Variants in RBMS1 observed in about 807,000 individuals in gnomAD.
RBMS1 encodes RNA-binding motif, single-stranded-interacting protein 1.
A neutral mutation model predicts 62.3 loss-of-function variants in RBMS1; 17 were observed. That is an observed-to-expected ratio of 0.27 (90% CI 0.19 to 0.41). The LOEUF (loss-of-function observed/expected upper bound fraction) is 0.41, where lower values mean the gene tolerates loss of function less well. RBMS1 is among the 10% of genes least tolerant of loss of function. RBMS1 has a pLI of 1.00. For missense variants in RBMS1, 334 were observed against 504.5 expected (o/e 0.66, Z 3.24); for synonymous variants, 172 against 170.0 (o/e 1.01, Z -0.09).
chr2:160,416,824 C>T (rs762441659), intron 1 of RBMS1, among the ~76,000 whole-genome samples: 5 of 152,272 alleles, frequency 3.3e-5, no homozygotes, highest in Admixed American at 1.3e-4. Flanking sequence ...TAAATTCATT[C>T]CATCTATTCA....
intron 1 of RBMS1, among the ~76,000 whole-genome samples, chr2:160,435,911 G>A (rs1253408857): frequency 6.6e-6 from 1 of 152,200 alleles, no homozygotes; most frequent in African/African-American, 2.4e-5. Context: ...TGGATAATTT[G>A]ACTGGGGTAT....
At chr2:160,275,138 G>C (rs1198314130) in intron 13 of RBMS1, among the ~76,000 whole-genome samples, 6 of 152,058 alleles carry the variant, frequency 3.9e-5, no homozygotes. Flanking sequence ...CAGTCTGCAT[G>C]GTAAAGTGAA....
intron 10 of RBMS1, chr2:160,279,508 TCTTAA>T (rs1688000438): frequency 6.6e-6 from 1 of 152,226 alleles, no homozygotes; most frequent in South Asian, 2.1e-4. Context: ...GGGATTTTGC[TCTTAA>T]CTTTGCATTC....
intron 1 of RBMS1, among the ~76,000 whole-genome samples, chr2:160,487,351 C>T (rs1280534549): frequency 6.6e-6 from 1 of 152,222 alleles, no homozygotes; most frequent in Non-Finnish European, 1.5e-5. Context: ...GTGCTGCTTT[C>T]GTGGGTGCAC....
chr2:160,332,533 C>A (rs1691338499), intron 2 of RBMS1, among the ~76,000 whole-genome samples: 1 of 152,202 alleles, frequency 6.6e-6, no homozygotes, highest in South Asian at 2.1e-4. Flanking sequence ...AATGATGCCT[C>A]CTCACACTTC....
At chr2:160,338,428 A>G (rs1480464656) in intron 2 of RBMS1, among the ~76,000 whole-genome samples, 1 of 152,134 alleles carries the variant, frequency 6.6e-6, no homozygotes, top group African/African-American at 2.4e-5. Context: ...GAGAGACTAT[A>G]GAGTACTCAA....
intron 6 of RBMS1, among the ~76,000 whole-genome samples, chr2:160,296,145 C>G (rs1688923582): frequency 6.6e-6 from 1 of 152,160 alleles, no homozygotes; most frequent in Non-Finnish European, 1.5e-5. Context: ...TCTCCTTTGT[C>G]TTTACTTGGG....
At chr2:160,401,974 T>C (rs1004749980) in intron 1 of RBMS1, 2 of 152,192 alleles carry the variant, frequency 1.3e-5, no homozygotes, top group East Asian at 3.8e-4. Flanking sequence ...TTACCCTTTT[T>C]CAGGCTGCCC....
intron 2 of RBMS1, among the ~76,000 whole-genome samples, chr2:160,361,430 CAG>C (rs1693121496): frequency 6.6e-6 from 1 of 152,174 alleles, no homozygotes; most frequent in Non-Finnish European, 1.5e-5. Context: ...GAGCAATAAT[CAG>C]GGGTGGGTAG....
intron 2 of RBMS1, among the ~76,000 whole-genome samples, chr2:160,329,509 G>A (rs978271959): frequency 6.6e-6 from 1 of 152,166 alleles, no homozygotes; most frequent in Non-Finnish European, 1.5e-5. Context: ...TCATTGCGGA[G>A]GTAGGATAGT....
At chr2:160,438,351 A>C (rs1334100547) in intron 1 of RBMS1, among the ~76,000 whole-genome samples, 1 of 151,444 alleles carries the variant, frequency 6.6e-6, no homozygotes, top group African/African-American at 2.4e-5. Flanking sequence ...AGGGAAGGTC[A>C]GCAGATAAAC....
At chr2:160,278,059 G>A (rs1321835160) in intron 11 of RBMS1, 1 of 166,622 alleles carries the variant, frequency 6.0e-6, no homozygotes, top group Non-Finnish European at 1.3e-5. Context: ...AAAATGCTAA[G>A]CATCAAATCT....
At position 160,468,247 on chromosome 2, in the gene RBMS1, T is replaced by C. The variant is rs998991380; in HGVS notation, c.75+25042A>G. ...TCTGGGTCACTCAACAAATATTTAT[T>C]AGTGGGTATCCACTACATGAGTAAC... On this transcript the variant is annotated intron_variant, in intron 1 of 13. Transcript: ENST00000348849. 1.1e-4 allele frequency among the ~76,000 whole-genome samples: 17 copies of C among 152,220 alleles called. 1 individual carries two copies. The highest frequency in any genetic ancestry group is 4.1e-4 in the African/African-American group (17 of 41,452).
chr2:160,344,342 C>A (rs1692057387), intron 2 of RBMS1, among the ~76,000 whole-genome samples: 1 of 152,116 alleles, frequency 6.6e-6, no homozygotes, highest in African/African-American at 2.4e-5. Context: ...CAAGATTAAG[C>A]ACTTAACTTT....
intron 1 of RBMS1, among the ~76,000 whole-genome samples, chr2:160,406,706 T>G (rs2105242407): frequency 6.6e-6 from 1 of 152,348 alleles, no homozygotes; most frequent in East Asian, 1.9e-4. Context: ...AGTAACCTTC[T>G]TTTAAAAACA....
At chr2:160,420,929 G>T (rs66907171) in intron 1 of RBMS1, among the ~76,000 whole-genome samples, 18,747 of 152,052 alleles carry the variant, frequency 0.12, 2,224 homozygotes, top group African/African-American at 0.31. Context: ...TATCTTGGGT[G>T]AGCATTTATT....
At chr2:160,392,996 C>T (rs2105215507) in intron 1 of RBMS1, among the ~76,000 whole-genome samples, 1 of 152,274 alleles carries the variant, frequency 6.6e-6, no homozygotes, top group African/African-American at 2.4e-5. Flanking sequence ...TTTCTGCACC[C>T]CTTTTAAAGA....
At chr2:160,281,970 G>C in intron 9 of RBMS1, 1 of 210,384 alleles carries the variant, frequency 4.8e-6, no homozygotes, top group South Asian at 7.6e-5. Flanking sequence ...GACATCTACA[G>C]TCAAATGGGC....
At chr2:160,412,742 A>T (rs1040176169) in intron 1 of RBMS1, among the ~76,000 whole-genome samples, 3 of 152,236 alleles carry the variant, frequency 2.0e-5, no homozygotes, top group Admixed American at 1.3e-4. Flanking sequence ...AACTGTATAA[A>T]TGTTTTGTTA....
Sources: allele counts gnomAD v4.1 joint callset (sites outside exome capture counted in the v4.1 genomes callset), GRCh38; gene constraint gnomAD v4.1.1; transcripts MANE v1.5; gene names NCBI Gene and HGNC (gene_info 2026-07-23, HGNC 2026-07-21).